PPP1CB: variants seen among roughly 807,000 people sequenced by gnomAD.
The protein encoded by PPP1CB is serine/threonine-protein phosphatase PP1-beta catalytic subunit.
In PPP1CB, 2 loss-of-function variants were observed where a neutral mutation model predicts 43.7. The ratio of observed to expected loss-of-function variants is 0.05; its 90% confidence interval spans 0.02 to 0.14. The LOEUF is 0.14. PPP1CB is among the 10% of genes least tolerant of loss of function. The pLI, the probability that PPP1CB is intolerant of heterozygous loss-of-function variation, is 1.00. For synonymous variants in PPP1CB, 136 were observed against 135.6 expected (o/e 1.00, Z -0.02); for missense variants, 84 against 398.0 (o/e 0.21, Z 6.71).
intron 1 of PPP1CB, among the ~76,000 whole-genome samples, chr2:28,772,169 A>G (rs1310735010): frequency 6.6e-6 from 1 of 152,018 alleles, no homozygotes; most frequent in Non-Finnish European, 1.5e-5. Context: ...TTAGCTGGGC[A>G]TGGTGGTGTG....
chr2:28,783,786 CTT>C, intron 4 of PPP1CB, 119 bp from the exon 5 acceptor site: 1 of 644,572 alleles, frequency 1.6e-6, no homozygotes, highest in Non-Finnish European at 2.6e-6. Flanking sequence ...AAAAGGAACA[CTT>C]TTCAGTATCT....
chr2:28,779,754 T>A (rs887136629), intron 3 of PPP1CB, among the ~76,000 whole-genome samples: 2 of 152,216 alleles, frequency 1.3e-5, no homozygotes, highest in African/African-American at 2.4e-5. Flanking sequence ...TTTTTTTCAA[T>A]CCTTAATTAT....
intron 7 of PPP1CB, among the ~76,000 whole-genome samples, chr2:28,797,075 A>G (rs1298580391): frequency 6.6e-6 from 1 of 152,124 alleles, no homozygotes; most frequent in African/African-American, 2.4e-5. Flanking sequence ...GGTGAATCAC[A>G]TTTATTGATT....
chr2:28,760,002 G>C (rs1038692704), intron 1 of PPP1CB, among the ~76,000 whole-genome samples: 1 of 152,060 alleles, frequency 6.6e-6, no homozygotes, highest in African/African-American at 2.4e-5. Context: ...AAAAAGCTTC[G>C]TTATCCTGGG....
At chr2:28,781,569 C>A (rs1667158963) in intron 3 of PPP1CB, among the ~76,000 whole-genome samples, 169 bp from the exon 4 acceptor site, 1 of 151,976 alleles carries the variant, frequency 6.6e-6, no homozygotes, top group Non-Finnish European at 1.5e-5. Flanking sequence ...TAGTTGTTGC[C>A]TTTTTGAAAG....
In PPP1CB at chr2:28,783,817, T is replaced by A. The variant is rs1006502993; in HGVS notation, c.521-90T>A. On this transcript the variant is annotated intron_variant, in intron 4 of 7. Transcript: ENST00000395366. The stretch of plus-strand genomic sequence containing the variant: ...AGTATCTTTAATTTCACATAGTGAA[T>A]CTATTTTGATTAAATGCTTTTTATT... 37 of 853,330 alleles carry A rather than the reference T, an allele frequency of 4.3e-5. No homozygotes were observed. The Admixed American group carries it at 7.9e-4, about 18-fold the overall frequency. 52.9% of individuals were successfully genotyped at this position (853,330 alleles called of 1,614,324 possible). A position where few individuals can be genotyped will look rare whatever the true frequency, so the allele number is the denominator to read the frequency against.
intron 3 of PPP1CB, 97 bp from the exon 4 acceptor site, chr2:28,781,636 AGAAAT>A: frequency 1.2e-6 from 1 of 806,016 alleles, no homozygotes; most frequent in East Asian, 2.7e-5. Context: ...ATAAACATGA[AGAAAT>A]GAAGAAAATT....
chr2:28,801,758 C>G lies in PPP1CB; in HGVS notation c.*2455C>G, dbSNP rs1228979121. 1 of 151,984 alleles carries G rather than the reference C, an allele frequency of 6.6e-6. No individual in the cohort carries two copies. Among genetic ancestry groups the G allele is most frequent in the African/African-American group, 2.4e-5 (1 of 41,364 alleles). The allele number at this position is 151,984 out of a possible 1,614,324, so 9.4% of individuals were successfully genotyped here. On this transcript the variant is annotated 3_prime_UTR_variant, in exon 8 of 8. Transcript: ENST00000395366. ...AATTTAATCCAAATGTTATGACATT[C>G]AGAAATCATGAAACACAGTAGATAT...
intron 7 of PPP1CB, among the ~76,000 whole-genome samples, chr2:28,794,763 C>CATTT (rs757686588): frequency 9.2e-5 from 14 of 151,996 alleles, no homozygotes; most frequent in Non-Finnish European, 2.9e-5. Flanking sequence ...GTCACAGGAA[C>CATTT]ATTTATTTAT....
chr2:28,757,768 G>A (rs1666527459), intron 1 of PPP1CB, among the ~76,000 whole-genome samples: 1 of 152,086 alleles, frequency 6.6e-6, no homozygotes, highest in African/African-American at 2.4e-5. Flanking sequence ...AGCAAGTAAG[G>A]GAAACTGACA....
At chr2:28,781,925 A>G in intron 4 of PPP1CB, 83 bp downstream of exon 4, 2 of 958,518 alleles carry the variant, frequency 2.1e-6, no homozygotes, top group South Asian at 1.3e-5. Context: ...GGCTGTGGGA[A>G]AACAAAGCAG....
intron 4 of PPP1CB, 36 bp downstream of exon 4, chr2:28,781,878 TC>T: frequency 7.0e-7 from 1 of 1,429,510 alleles, no homozygotes; most frequent in South Asian, 1.2e-5. Context: ...ATTTTTTTTT[TC>T]TTCTATTATT....
chr2:28,777,219 TATAAA>T (rs1173652666), intron 2 of PPP1CB: 2 of 243,500 alleles, frequency 8.2e-6, no homozygotes, highest in Admixed American at 1.0e-4. Context: ...AAAGAGTTCT[TATAAA>T]TAAGAGAAAG....
chr2:28,771,024 C>A (rs1334776950), intron 1 of PPP1CB, among the ~76,000 whole-genome samples: 3 of 146,932 alleles, frequency 2.0e-5, no homozygotes, highest in Non-Finnish European at 3.0e-5. Context: ...TCTAGACTTA[C>A]CTACTTATTC....
chr2:28,763,111 C>G (rs532538465), intron 1 of PPP1CB, among the ~76,000 whole-genome samples: 1 of 152,302 alleles, frequency 6.6e-6, no homozygotes, highest in South Asian at 2.1e-4. Flanking sequence ...TCTAGGTCTG[C>G]TTGGAACTAA....
At chr2:28,768,422 T>G (rs115310307) in intron 1 of PPP1CB, among the ~76,000 whole-genome samples, 173 of 152,286 alleles carry the variant, frequency 1.1e-3, no homozygotes, top group African/African-American at 4.0e-3. Context: ...TTGACTGACT[T>G]CAGAGGTACA....
intron 7 of PPP1CB, among the ~76,000 whole-genome samples, chr2:28,796,626 T>G (rs1304709064): frequency 6.6e-6 from 1 of 152,192 alleles, no homozygotes; most frequent in Non-Finnish European, 1.5e-5. Flanking sequence ...ATTGATTTTG[T>G]ATCCTGAAAC....
chr2:28,796,829 A>AATG (rs1353930009), intron 7 of PPP1CB, among the ~76,000 whole-genome samples: 1 of 152,010 alleles, frequency 6.6e-6, no homozygotes, highest in African/African-American at 2.4e-5. Context: ...GGGTGGTGAG[A>AATG]ATGGTCATCC....
intron 5 of PPP1CB, among the ~76,000 whole-genome samples, chr2:28,785,772 G>T (rs1179816846): frequency 1.3e-5 from 2 of 152,060 alleles, no homozygotes; most frequent in Non-Finnish European, 2.9e-5. Flanking sequence ...TTGTGCTCCT[G>T]CATTCTAGCC....
Sources: gnomAD v4.1 joint callset for allele counts (sites outside exome capture counted in the v4.1 genomes callset) on GRCh38, gnomAD v4.1.1 for gene constraint, MANE v1.5 for transcripts, NCBI Gene and HGNC (gene_info 2026-07-23, HGNC 2026-07-21) for gene names.